KIAA1143: variants seen among roughly 807,000 people sequenced by gnomAD.
KIAA1143 encodes uncharacterized protein KIAA1143.
In KIAA1143, 8 loss-of-function variants were observed where a neutral mutation model predicts 17.0. The observed-to-expected ratio is 0.47, with a 90% CI of 0.28 to 0.85. The LOEUF (loss-of-function observed/expected upper bound fraction) is 0.85, where lower values mean the gene tolerates loss of function less well. KIAA1143 is among the 40% of genes least tolerant of loss of function. The pLI, the probability that KIAA1143 is intolerant of heterozygous loss-of-function variation, is 0.12. For missense variants in KIAA1143, 162 were observed against 183.3 expected (o/e 0.88, Z 0.67); for synonymous variants, 64 against 67.8 (o/e 0.94, Z 0.27).
intron 1 of KIAA1143, among the ~76,000 whole-genome samples, chr3:44,761,288 A>G (rs1281883966): frequency 6.6e-6 from 1 of 152,218 alleles, no homozygotes; most frequent in Non-Finnish European, 1.5e-5. Flanking sequence ...GGAACACAGC[A>G]GCGCTCTGAA....
intron 1 of KIAA1143, among the ~76,000 whole-genome samples, chr3:44,757,343 G>A (rs892606110): frequency 9.2e-5 from 14 of 152,052 alleles, no homozygotes; most frequent in African/African-American, 3.1e-4. Flanking sequence ...AGTCCACATG[G>A]CCTCACCTCC....
At position 44,749,954 on chromosome 3, in the gene KIAA1143, T is replaced by A. The variant is rs1232839643; in HGVS notation, c.*3387A>T. Reference sequence around the variant, plus strand: ...ACAGGTGTGTGTCGCTACACCTGGCTATTTTTTATTTTTTGTAGAGATAGG... The same window carrying A: ...ACAGGTGTGTGTCGCTACACCTGGCAATTTTTTATTTTTTGTAGAGATAGG... On this transcript the variant is annotated 3_prime_UTR_variant, in exon 3 of 3. Coordinates refer to ENST00000296121, the MANE Select transcript of KIAA1143 (RefSeq NM_020696.4). 2 of 152,190 alleles carry A rather than the reference T, an allele frequency of 1.3e-5. No homozygotes were observed. Among genetic ancestry groups the A allele is most frequent in the East Asian group, 3.9e-4 (2 of 5,190 alleles). The allele number at this position is 152,190 out of a possible 1,614,324, so 9.4% of individuals were successfully genotyped here.
chr3:44,760,420 C>T (rs1263200443), intron 1 of KIAA1143, among the ~76,000 whole-genome samples: 11 of 152,076 alleles, frequency 7.2e-5, no homozygotes, highest in African/African-American at 1.7e-4. Context: ...GACGGAGTCT[C>T]GCTCTGTCGC....
intron 1 of KIAA1143, 30 bp downstream of exon 1, chr3:44,761,465 T>C (rs1248778230): frequency 6.4e-7 from 1 of 1,564,138 alleles, no homozygotes; most frequent in African/African-American, 1.4e-5. Context: ...TGGCTGCGCT[T>C]CCGAAGAAAC....
chr3:44,758,894 GCT>G (rs1312493739), intron 1 of KIAA1143, among the ~76,000 whole-genome samples: 3 of 151,250 alleles, frequency 2.0e-5, no homozygotes, highest in East Asian at 1.9e-4. Flanking sequence ...ACAGGGTCTG[GCT>G]CTGTTACCCA....
At position 44,750,436 on chromosome 3, in the gene KIAA1143, T is replaced by C. The variant is rs1704879447; in HGVS notation, c.*2905A>G. On this transcript the variant is annotated 3_prime_UTR_variant, in exon 3 of 3. Transcript: ENST00000296121. The stretch of plus-strand genomic sequence containing the variant: ...TCTAAAATTCTGATATGTCTTAATA[T>C]ATGTTGTAATGATTATGTTAAATTG... The C allele has an allele frequency of 6.6e-6, 1 of 150,444 alleles. No homozygotes were observed. Among genetic ancestry groups the C allele is most frequent in the Admixed American group, 6.7e-5 (1 of 15,006 alleles). The allele number at this position is 150,444 out of a possible 1,614,324, so 9.3% of individuals were successfully genotyped here.
At chr3:44,759,408 T>C (rs185414362) in intron 1 of KIAA1143, among the ~76,000 whole-genome samples, 1 of 152,144 alleles carries the variant, frequency 6.6e-6, no homozygotes, top group Admixed American at 6.5e-5. Context: ...TATAAAGAGA[T>C]GTGCTGTCAT....
intron 1 of KIAA1143, among the ~76,000 whole-genome samples, chr3:44,756,607 T>C (rs1704977374): frequency 6.6e-6 from 1 of 152,204 alleles, no homozygotes; most frequent in African/African-American, 2.4e-5. Context: ...AATTATGGAA[T>C]GATTTCCCAT....
rs904796463 is a variant in KIAA1143 at position 44,752,218 on chromosome 3, C to T, written c.*1123G>A. ...CAATCAGACTGGTCATAGGCCAAGT[C>T]CTCATTTACACAGGAGTATAACTTT... On this transcript the variant is annotated 3_prime_UTR_variant, in exon 3 of 3. Coordinates refer to ENST00000296121, the MANE Select transcript of KIAA1143 (RefSeq NM_020696.4). The T allele has an allele frequency of 7.2e-5, 11 of 152,148 alleles. No individual in the cohort carries two copies. The highest frequency in any genetic ancestry group is 1.6e-4 in the Non-Finnish European group (11 of 68,028). 9.4% of individuals were successfully genotyped at this position (152,148 alleles called of 1,614,324 possible).
At chr3:44,758,232 G>A (rs978984850) in intron 1 of KIAA1143, among the ~76,000 whole-genome samples, 2 of 152,144 alleles carry the variant, frequency 1.3e-5, no homozygotes, top group Non-Finnish European at 2.9e-5. Context: ...TGATGAGGGT[G>A]GTGGTTGCTG....
intron 1 of KIAA1143, among the ~76,000 whole-genome samples, chr3:44,761,014 T>G (rs1705101078): frequency 6.6e-6 from 1 of 152,180 alleles, no homozygotes; most frequent in Non-Finnish European, 1.5e-5. Flanking sequence ...TTTTTATTTA[T>G]TTTTAATTAA....
chr3:44,753,208 G>C lies in KIAA1143; in HGVS notation c.*133C>G. The C allele has an allele frequency of 3.4e-6, 2 of 588,542 alleles. No homozygotes were observed. The highest frequency in any genetic ancestry group is 5.9e-6 in the Non-Finnish European group (2 of 336,176). 36.5% of individuals were successfully genotyped at this position (588,542 alleles called of 1,614,324 possible). On this transcript the variant is annotated 3_prime_UTR_variant, in exon 3 of 3. Coordinates refer to ENST00000296121, the MANE Select transcript of KIAA1143 (RefSeq NM_020696.4). ...AGAGGGGTATTGATGAATAGATGTAGTTTATTAAATTTTTTTCTCTATTTC... is the reference window on the plus strand; with the variant it reads ...AGAGGGGTATTGATGAATAGATGTACTTTATTAAATTTTTTTCTCTATTTC...
rs1704885839 is a variant in KIAA1143 at position 44,751,070 on chromosome 3, C to T, written c.*2271G>A. The T allele has an allele frequency of 6.6e-6, 1 of 150,824 alleles. No homozygotes were observed. The highest frequency in any genetic ancestry group is 1.5e-5 in the Non-Finnish European group (1 of 67,810). The allele number at this position is 150,824 out of a possible 1,614,324, so 9.3% of individuals were successfully genotyped here. ...GAAATGGCCTTGTGAAATGTTCTAG[C>T]AAAGCCAATCTAGGAGAGTCTATAT... On this transcript the variant is annotated 3_prime_UTR_variant, in exon 3 of 3. Transcript: ENST00000296121.
chr3:44,760,390 CT>C, intron 1 of KIAA1143, among the ~76,000 whole-genome samples: 1 of 152,012 alleles, frequency 6.6e-6, no homozygotes, highest in East Asian at 1.9e-4. Flanking sequence ...GCTTACTCTT[CT>C]TTTTTTTCTT....
chr3:44,754,760 AAGTAC>A (rs1340219297), intron 1 of KIAA1143, among the ~76,000 whole-genome samples: 1 of 152,118 alleles, frequency 6.6e-6, no homozygotes, highest in African/African-American at 2.4e-5. Context: ...AACACCATCA[AAGTAC>A]AGAAAGCAGC....
In KIAA1143 at chr3:44,753,377, G is replaced by C. The variant is rs1559510313; in HGVS notation, c.429C>G (p.Ser143Arg). ...CATCTTCGTTGTCAAAAGAAAGGAGGCTACTATTTTTAATTTGTTTTTGTG... is the reference window on the plus strand; with the variant it reads ...CATCTTCGTTGTCAAAAGAAAGGAGCCTACTATTTTTAATTTGTTTTTGTG... ...KNSQKQIKNS[S>R]LLSFDNEDEN... The change falls in exon 3 of 3, where the codon AGC (serine) becomes AGG (arginine). Residue 143 changes from serine to arginine, a missense_variant. Transcript: ENST00000296121. The C allele has an allele frequency of 2.5e-6, 4 of 1,600,806 alleles. No homozygotes were observed. The highest frequency in any genetic ancestry group is 3.4e-6 in the Non-Finnish European group (4 of 1,168,610).
At chr3:44,755,347 T>C (rs531086282) in intron 1 of KIAA1143, among the ~76,000 whole-genome samples, 4 of 152,160 alleles carry the variant, frequency 2.6e-5, no homozygotes. Flanking sequence ...GGTGGAACTG[T>C]TGGGTTGAAA....
intron 2 of KIAA1143, among the ~76,000 whole-genome samples, chr3:44,753,909 T>A (rs374840620): frequency 3.3e-5 from 5 of 152,170 alleles, no homozygotes; most frequent in African/African-American, 1.2e-4. Flanking sequence ...CAGGCAGTAA[T>A]GAAATACACC....
At position 44,754,314 on chromosome 3, in the gene KIAA1143, C is replaced by T. The variant is rs1448922379; in HGVS notation, c.163G>A (p.Glu55Lys). Reference protein sequence around the residue: ...EDGDHSDKEDEQPQVVVLKKG... With the variant: ...EDGDHSDKEDKQPQVVVLKKG... ...TTTAAAACCACCACTTGAGGCTGTT[C>T]ATCTTCTTTGTCACTGTGATCCCCA... Residue 55 changes from glutamate to lysine, a missense_variant, in exon 2 of 3, where the codon GAA becomes AAA. By Grantham distance (56) the Glu-to-Lys change is moderately conservative. This residue lies in a region of KIAA1143 where 137 missense variants were observed against 132.5 expected (regional missense o/e 1.03). Transcript: ENST00000296121. 1 of 1,613,962 alleles carries T rather than the reference C, an allele frequency of 6.2e-7. No homozygotes were observed. Among genetic ancestry groups the T allele is most frequent in the African/African-American group, 1.3e-5 (1 of 75,050 alleles).
Sources: gnomAD v4.1 joint callset for allele counts (sites outside exome capture counted in the v4.1 genomes callset) on GRCh38, gnomAD v4.1.1 for gene constraint, gnomAD v4.1.1 regional missense constraint, MANE v1.5 for transcripts, NCBI Gene and HGNC (gene_info 2026-07-23, HGNC 2026-07-21) for gene names.